The following FMN2 variants were observed in gnomAD, a reference collection of about 807,000 sequenced individuals.
FMN2 encodes the protein formin 2.
Under a neutral mutation model 142.3 loss-of-function variants are expected in FMN2, and 51 were observed. The observed-to-expected ratio is 0.36, with a 90% CI of 0.29 to 0.45. The LOEUF (loss-of-function observed/expected upper bound fraction) is 0.45, where lower values mean the gene tolerates loss of function less well. Ranked by LOEUF, FMN2 falls within the 20% of genes least tolerant of loss-of-function variation. The pLI is 1.00. For missense variants in FMN2, 1,936 were observed against 2,122.8 expected (o/e 0.91, Z 1.73); for synonymous variants, 882 against 869.8 (o/e 1.01, Z -0.25).
intron 2 of FMN2, among the ~76,000 whole-genome samples, chr1:240,168,404 T>C (rs1664567632): frequency 6.6e-6 from 1 of 151,876 alleles, no homozygotes; most frequent in Non-Finnish European, 1.5e-5. Context: ...CTGGGCAACA[T>C]AGCAAGACTC....
chr1:240,351,903 A>G (rs185226313), intron 13 of FMN2, among the ~76,000 whole-genome samples: 1 of 150,060 alleles, frequency 6.7e-6, no homozygotes, highest in East Asian at 1.9e-4. Context: ...TGTGTATGAT[A>G]TCATGGATGT....
chr1:240,384,472 C>T lies in FMN2; in HGVS notation c.4859-8039C>T, dbSNP rs538459798. 2.6e-5 allele frequency among the ~76,000 whole-genome samples: 4 copies of T among 152,170 alleles called. No homozygotes were observed. The East Asian group carries it at 7.8e-4, about 30-fold the overall frequency. On this transcript the variant is annotated intron_variant, in intron 14 of 17. Transcript: ENST00000319653. ...GTATTTCCAGTTTTGTCTCCTTTATCTTTCTTCTTGACATCTCGAACTATG... is the reference window on the plus strand; with the variant it reads ...GTATTTCCAGTTTTGTCTCCTTTATTTTTCTTCTTGACATCTCGAACTATG...
Position 240,092,948 on chromosome 1 carries a change from C to T in FMN2, c.839C>T (p.Pro280Leu), listed in dbSNP as rs1488881869. The T allele has an allele frequency of 2.8e-6, 4 of 1,427,468 alleles. No individual in the cohort carries two copies. The highest frequency in any genetic ancestry group is 2.9e-5 in the Admixed American group (1 of 34,368). The allele number at this position is 1,427,468 out of a possible 1,614,324, so 88.4% of individuals were successfully genotyped here. Reference protein sequence around the residue: ...EQALSALSDLPESLAAEPREP... With the variant: ...EQALSALSDLLESLAAEPREP... ...GCGCTGTCCGCGCTCTCCGACCTGC[C>T]CGAGAGCCTGGCCGCCGAGCCCCGG... Residue 280 changes from proline (P) to leucine (L), a missense_variant, in exon 1 of 18, where the codon CCC (proline) becomes CTC (leucine). This residue lies in a region of FMN2 where 751 missense variants were observed against 791.8 expected (regional missense o/e 0.95). Coordinates refer to ENST00000319653, the MANE Select transcript of FMN2 (RefSeq NM_020066.5).
intron 8 of FMN2, among the ~76,000 whole-genome samples, chr1:240,296,172 T>C (rs1669970286): frequency 6.6e-6 from 1 of 151,154 alleles, no homozygotes. Context: ...TGGCAGGACA[T>C]TTAGCTTTTG....
intron 13 of FMN2, among the ~76,000 whole-genome samples, chr1:240,345,942 G>T (rs1358479812): frequency 6.6e-6 from 1 of 152,138 alleles, no homozygotes; most frequent in African/African-American, 2.4e-5. Context: ...CAAAATAATA[G>T]CTGAGTGAAT....
intron 1 of FMN2, among the ~76,000 whole-genome samples, chr1:240,103,108 C>A (rs1305541053): frequency 1.3e-5 from 2 of 152,074 alleles, no homozygotes; most frequent in Non-Finnish European, 2.9e-5. Flanking sequence ...TCAGGTGACC[C>A]GCCTGTCTCG....
At chr1:240,143,586 T>C in intron 2 of FMN2, 2 of 1,606,818 alleles carry the variant, frequency 1.2e-6, no homozygotes, top group Non-Finnish European at 1.7e-6. Context: ...AGCCTGCCTA[T>C]GCACACACAT....
At chr1:240,196,777 A>G (rs1665927459) in intron 4 of FMN2, among the ~76,000 whole-genome samples, 1 of 152,058 alleles carries the variant, frequency 6.6e-6, no homozygotes, top group Non-Finnish European at 1.5e-5. Context: ...CCTCCCAAAT[A>G]ATCTGTGTTT....
chr1:240,183,077 C>A (rs145920173), intron 3 of FMN2, among the ~76,000 whole-genome samples: 1 of 151,628 alleles, frequency 6.6e-6, no homozygotes, highest in Non-Finnish European at 1.5e-5. Flanking sequence ...CTACCACTCC[C>A]AGCTAATTTT....
chr1:240,299,313 A>C (rs1670110630), intron 8 of FMN2, among the ~76,000 whole-genome samples: 1 of 152,172 alleles, frequency 6.6e-6, no homozygotes, highest in Non-Finnish European at 1.5e-5. Context: ...TTACTACTTA[A>C]ACAATGACCT....
chr1:240,291,520 A>G (rs1012289919), intron 7 of FMN2, among the ~76,000 whole-genome samples: 1 of 152,196 alleles, frequency 6.6e-6, no homozygotes, highest in African/African-American at 2.4e-5. Context: ...ATTAGAGAAT[A>G]AAGTAATCTG....
intron 14 of FMN2, among the ~76,000 whole-genome samples, chr1:240,358,732 G>A (rs1335311312): frequency 6.6e-6 from 1 of 152,140 alleles, no homozygotes; most frequent in East Asian, 1.9e-4. Flanking sequence ...TGGCCCCCAT[G>A]ATTCAATTAC....
At chr1:240,418,211 T>C (rs1383004753) in intron 15 of FMN2, among the ~76,000 whole-genome samples, 1 of 150,770 alleles carries the variant, frequency 6.6e-6, no homozygotes, top group East Asian at 1.9e-4. Context: ...ATTTTTTTTT[T>C]TTTTTTGAGA....
chr1:240,145,701 G>A (rs777850412), intron 2 of FMN2, among the ~76,000 whole-genome samples: 1 of 151,672 alleles, frequency 6.6e-6, no homozygotes. Context: ...GTAGAGACAG[G>A]TTCTGGCTAT....
At position 240,127,059 on chromosome 1, in the gene FMN2, A is replaced by G. The variant is rs150183489; in HGVS notation, c.1782+3714A>G. On this transcript the variant is annotated intron_variant, in intron 2 of 17. Coordinates refer to ENST00000319653, the MANE Select transcript of FMN2 (RefSeq NM_020066.5). Reference sequence around the variant, plus strand: ...GAGGAAGCTGGGGCTTCAGGAGATGAGGACAGCAAGGGCTCAGGCCACAGC... The same window carrying G: ...GAGGAAGCTGGGGCTTCAGGAGATGGGGACAGCAAGGGCTCAGGCCACAGC... Among the ~76,000 whole-genome samples, 30 of 151,854 alleles carry G rather than the reference A, an allele frequency of 2.0e-4. No individual in the cohort carries two copies. The East Asian group carries it at 5.6e-3, about 29-fold the overall frequency.
chr1:240,306,513 G>T (rs1287442180), intron 8 of FMN2, among the ~76,000 whole-genome samples: 7 of 152,114 alleles, frequency 4.6e-5, no homozygotes, highest in Non-Finnish European at 1.0e-4. Context: ...GTGAGAACAT[G>T]TGATATGTTT....
intron 14 of FMN2, among the ~76,000 whole-genome samples, chr1:240,362,822 A>G (rs1185005768): frequency 6.6e-6 from 1 of 152,208 alleles, no homozygotes; most frequent in Non-Finnish European, 1.5e-5. Context: ...GCTTTTACAT[A>G]AAGTCCCTAC....
intron 2 of FMN2, chr1:240,143,618 T>G: frequency 1.2e-6 from 2 of 1,610,072 alleles, no homozygotes; most frequent in Non-Finnish European, 1.7e-6. Context: ...TTGGCAAAAC[T>G]GCGGAATGGC....
chr1:240,184,517 GTTTT>G (rs71712034), intron 3 of FMN2, among the ~76,000 whole-genome samples: 3 of 119,800 alleles, frequency 2.5e-5, no homozygotes, highest in Non-Finnish European at 5.4e-5. Flanking sequence ...CGCCCGGCCT[GTTTT>G]TTTTTTTTTT....
Sources: allele counts gnomAD v4.1 joint callset (sites outside exome capture counted in the v4.1 genomes callset), GRCh38; gene constraint gnomAD v4.1.1; regional missense constraint gnomAD v4.1.1; transcripts MANE v1.5; gene names NCBI Gene and HGNC (gene_info 2026-07-23, HGNC 2026-07-21).